ARPC3: variants seen among roughly 807,000 people sequenced by gnomAD.
ARPC3 encodes actin-related protein 2/3 complex subunit 3.
ARPC3 carries 12 observed loss-of-function variants against 27.6 expected under a neutral mutation model. The ratio of observed to expected loss-of-function variants is 0.43; its 90% CI spans 0.28 to 0.70. The LOEUF (loss-of-function observed/expected upper bound fraction) is 0.70, where lower values mean the gene tolerates loss of function less well. ARPC3 is among the 30% of genes least tolerant of loss of function. The pLI is 0.17. For synonymous variants in ARPC3, 53 were observed against 67.2 expected, an observed-to-expected ratio of 0.79 and a Z score of 1.03; for missense variants, 153 against 207.7, an observed-to-expected ratio of 0.74 and a Z score of 1.62.
chr12:110,446,945 A>G (rs1377109855), intron 1 of ARPC3, among the ~76,000 whole-genome samples: 3 of 152,126 alleles, frequency 2.0e-5, no homozygotes, highest in African/African-American at 7.2e-5. Context: ...ACTATTGTCT[A>G]TGTTCTTAAG....
At position 110,450,327 on chromosome 12, in the gene ARPC3, G is replaced by T; in HGVS notation, c.-67C>A. The stretch of plus-strand genomic sequence containing the variant: ...GGTACAGCGGAGCGCTTCCGGTCTG[G>T]CAGCCTGGGCGAGGTAGGCGGAAGC... On this transcript the variant is annotated 5_prime_UTR_variant, in exon 1 of 7. Transcript: ENST00000228825. 1 of 1,608,628 alleles carries T rather than the reference G, an allele frequency of 6.2e-7. No individual in the cohort carries two copies. Among genetic ancestry groups the T allele is most frequent in the Non-Finnish European group, 8.5e-7 (1 of 1,176,150 alleles).
At chr12:110,436,388 A>ATCCT (rs1463762297) in intron 5 of ARPC3, 169 bp downstream of exon 5, 9 of 1,275,450 alleles carry the variant, frequency 7.1e-6, no homozygotes, top group Middle Eastern at 2.0e-4. Flanking sequence ...TCTGCATGTC[A>ATCCT]TCCTTGTTGC....
rs775870437 is a variant in ARPC3, at chr12:110,435,188, G to C, written c.504C>G (p.Phe168Leu). ...CAGGTCCTGAAAGACTCTTGTTCAT[G>C]AACTGTCTCTTCACAAAGCAAGTCC... Reference protein sequence around the residue: ...KWWTCFVKRQFMNKSLSGPGQ With the variant: ...KWWTCFVKRQLMNKSLSGPGQ Residue 168 changes from phenylalanine to leucine, a missense_variant, in exon 7 of 7, where the codon TTC (phenylalanine) becomes TTG (leucine). Phe to Leu is a conservative substitution (Grantham distance 22). Coordinates refer to ENST00000228825, the MANE Select transcript of ARPC3 (RefSeq NM_001278556.2). 6.2e-7 allele frequency: 1 copy of C among 1,614,064 alleles called. No homozygotes were observed.
intron 2 of ARPC3, among the ~76,000 whole-genome samples, chr12:110,443,443 A>T (rs2062448851): frequency 7.9e-6 from 1 of 126,820 alleles, no homozygotes; most frequent in Non-Finnish European, 1.7e-5. Context: ...TTATTTATTT[A>T]TTTTTTCGAG....
intron 5 of ARPC3, 176 bp from the exon 6 acceptor site, chr12:110,436,380 T>C (rs1238456430): frequency 2.5e-6 from 3 of 1,222,656 alleles, no homozygotes; most frequent in Non-Finnish European, 3.5e-6. Flanking sequence ...AAAGATTTTC[T>C]GCATGTCATC....
chr12:110,438,910 G>C (rs550777580), intron 3 of ARPC3, among the ~76,000 whole-genome samples: 1 of 151,690 alleles, frequency 6.6e-6, no homozygotes, highest in Admixed American at 6.6e-5. Context: ...CCCAAATTAC[G>C]GGCAGAGGCA....
chr12:110,436,341 A>G (rs548181925), intron 5 of ARPC3, 137 bp from the exon 6 acceptor site: 176 of 1,082,596 alleles, frequency 1.6e-4, no homozygotes, highest in East Asian at 1.5e-3. Context: ...CAGTCCAGAT[A>G]GTTTTATAAC....
intron 1 of ARPC3, among the ~76,000 whole-genome samples, chr12:110,449,702 A>C (rs1230662954): frequency 1.3e-5 from 2 of 152,148 alleles, no homozygotes; most frequent in African/African-American, 4.8e-5. Flanking sequence ...AGGCCGTCAT[A>C]ATTTTTTACT....
intron 1 of ARPC3, among the ~76,000 whole-genome samples, chr12:110,447,512 C>G (rs149241462): frequency 2.0e-5 from 3 of 152,148 alleles, no homozygotes; most frequent in Admixed American, 2.0e-4. Context: ...GGGTGGCTCA[C>G]GCCTGTAATC....
At chr12:110,441,259 A>C (rs545571002) in intron 2 of ARPC3, among the ~76,000 whole-genome samples, 1 of 151,976 alleles carries the variant, frequency 6.6e-6, no homozygotes, top group South Asian at 2.1e-4. Flanking sequence ...CAGCCTCCCA[A>C]GTAGCTGGGA....
chr12:110,439,949 T>C (rs967351550), intron 3 of ARPC3, among the ~76,000 whole-genome samples: 2 of 152,240 alleles, frequency 1.3e-5, no homozygotes, highest in South Asian at 2.1e-4. Flanking sequence ...GCAGTATTTT[T>C]AGGTTTTGTG....
At chr12:110,436,255 G>C (rs368946645) in intron 5 of ARPC3, 51 bp from the exon 6 acceptor site, 10 of 1,430,672 alleles carry the variant, frequency 7.0e-6, no homozygotes, top group African/African-American at 1.4e-5. Context: ...CATCCCAAAT[G>C]TACTGGTTGC....
chr12:110,444,601 T>C (rs1023159929), intron 2 of ARPC3, among the ~76,000 whole-genome samples: 2 of 152,166 alleles, frequency 1.3e-5, no homozygotes, highest in African/African-American at 4.8e-5. Flanking sequence ...TTTTCTTTTA[T>C]GTTATTTTTC....
intron 2 of ARPC3, among the ~76,000 whole-genome samples, chr12:110,443,623 G>C (rs2062449786): frequency 6.6e-6 from 1 of 151,866 alleles, no homozygotes; most frequent in Admixed American, 6.6e-5. Context: ...GGTAGAGACA[G>C]AGTTTCACCA....
chr12:110,437,417 G>A (rs2062412739), intron 3 of ARPC3: 1 of 385,930 alleles, frequency 2.6e-6, no homozygotes, highest in Non-Finnish European at 4.9e-6. Context: ...GCCCAGGCTG[G>A]AGTGCAGTGG....
Position 110,436,695 on chromosome 12 carries a change from A to AAAAATATAT in ARPC3, c.253-13_253-12insATATATTTT, listed in dbSNP as rs764485902. The AAAAATATAT allele has an allele frequency of 4.1e-6, 3 of 735,104 alleles. No homozygotes were observed. The highest frequency in any genetic ancestry group is 6.4e-6 in the Non-Finnish European group (3 of 472,412). The allele number at this position is 735,104 out of a possible 1,614,324, so 45.5% of individuals were successfully genotyped here. On this transcript the variant is annotated splice_polypyrimidine_tract_variant and intron_variant, in intron 4 of 6. Transcript: ENST00000228825. ...CTTTTGGAATTGCACTGGAAAAAAAAATATATATATATATATACACACACA... is the reference window on the plus strand; with the variant it reads ...CTTTTGGAATTGCACTGGAAAAAAAAAAAATATATATATATATATATATATACACACACA...
rs754887091 is a variant in ARPC3, at chr12:110,436,124, C to G, written c.460G>C (p.Asp154His). ...GAGGGTCTTACCTTGCTGGGTTTAT[C>G]ATTCTGAGGGTCGAAAACTTTCTCA... Reference protein sequence around the residue: ...LCEKVFDPQNDKPSKWWTCFV... With the variant: ...LCEKVFDPQNHKPSKWWTCFV... The change falls in exon 6 of 7, where the codon GAT becomes CAT. Residue 154 changes from aspartate (D) to histidine (H), a missense_variant. Asp to His is a moderately conservative substitution (Grantham distance 81, BLOSUM62 -1). Transcript: ENST00000228825. 3 of 1,612,918 alleles carry G rather than the reference C, an allele frequency of 1.9e-6. No homozygotes were observed. The highest frequency in any genetic ancestry group is 2.5e-6 in the Non-Finnish European group (3 of 1,179,354).
intron 1 of ARPC3, among the ~76,000 whole-genome samples, chr12:110,446,547 T>C (rs189638878): frequency 9.9e-5 from 15 of 151,854 alleles, no homozygotes; most frequent in Admixed American, 2.0e-4. Context: ...TCTGCCCGCC[T>C]TGCCCTCCCA....
In ARPC3 at chr12:110,440,315, A is replaced by C; in HGVS notation, c.180T>G (p.Ile60Met). 2 of 1,596,200 alleles carry C rather than the reference A, an allele frequency of 1.3e-6. No homozygotes were observed. Among genetic ancestry groups the C allele is most frequent in the Non-Finnish European group, 1.7e-6 (2 of 1,164,028 alleles). The change falls in exon 3 of 7, where the codon ATT becomes ATG. Residue 60 changes from isoleucine to methionine, a missense_variant. Ile to Met is a conservative substitution (Grantham distance 10). Coordinates refer to ENST00000228825, the MANE Select transcript of ARPC3 (RefSeq NM_001278556.2). ...KANVFFKNYE[I>M]KNEADRTLIY... ...TATTAAAAGCTCCGTAATTTACCTT[A>C]ATTTCATAGTTTTTGAAGAAGACAT...
Sources: allele counts gnomAD v4.1 joint callset (sites outside exome capture counted in the v4.1 genomes callset), GRCh38; gene constraint gnomAD v4.1.1; transcripts MANE v1.5; gene names NCBI Gene and HGNC (gene_info 2026-07-23, HGNC 2026-07-21).